NXPH2: variants seen among roughly 807,000 people sequenced by gnomAD.
NXPH2 encodes the protein neurexophilin 2.
A neutral mutation model predicts 19.8 loss-of-function variants in NXPH2; 5 were observed. The ratio of observed to expected loss-of-function variants is 0.25; its 90% confidence interval spans 0.13 to 0.53. The LOEUF (loss-of-function observed/expected upper bound fraction) is 0.53, where lower values mean the gene tolerates loss of function less well. Among genes scored for constraint, NXPH2 ranks in the 20% least tolerant of loss-of-function variants. The pLI, the probability that NXPH2 is intolerant of heterozygous loss-of-function variation, is 0.96. For missense variants in NXPH2, 289 were observed against 322.8 expected, an observed-to-expected ratio of 0.90 and a Z score of 0.80; for synonymous variants, 154 against 127.4, an observed-to-expected ratio of 1.21 and a Z score of -1.41.
At chr2:138,761,179 TATCC>T (rs1226526857) in intron 1 of NXPH2, among the ~76,000 whole-genome samples, 1 of 152,176 alleles carries the variant, frequency 6.6e-6, no homozygotes, top group Non-Finnish European at 1.5e-5. Flanking sequence ...CACTTGAGCA[TATCC>T]AGTCCACCTC....
At chr2:138,771,424 C>T (rs770235689) in intron 1 of NXPH2, among the ~76,000 whole-genome samples, 5 of 150,994 alleles carry the variant, frequency 3.3e-5, no homozygotes, top group Admixed American at 6.6e-5. Flanking sequence ...TATGAGGTGG[C>T]AGAAAGCAGG....
intron 1 of NXPH2, among the ~76,000 whole-genome samples, chr2:138,695,896 T>C (rs183653008): frequency 6.6e-6 from 1 of 152,210 alleles, no homozygotes; most frequent in African/African-American, 2.4e-5. Flanking sequence ...ACACTTATAA[T>C]CCTCCATTGT....
chr2:138,710,969 A>T (rs752324616), intron 1 of NXPH2, among the ~76,000 whole-genome samples: 2 of 152,034 alleles, frequency 1.3e-5, no homozygotes, highest in Admixed American at 6.6e-5. Flanking sequence ...GTTCACAGTC[A>T]TCTTGCTGCC....
chr2:138,780,039 C>A (rs1682326418), intron 1 of NXPH2, among the ~76,000 whole-genome samples, 152 bp downstream of exon 1: 1 of 152,190 alleles, frequency 6.6e-6, no homozygotes, highest in African/African-American at 2.4e-5. Context: ...CCCTTTCGAC[C>A]TCTAAGGCAA....
At chr2:138,720,013 A>C (rs1450127829) in intron 1 of NXPH2, among the ~76,000 whole-genome samples, 2 of 152,088 alleles carry the variant, frequency 1.3e-5, no homozygotes, top group African/African-American at 4.8e-5. Flanking sequence ...TCCCTCATAC[A>C]TTCTTGGGAA....
At chr2:138,678,279 G>T (rs967405315) in intron 1 of NXPH2, among the ~76,000 whole-genome samples, 1 of 152,190 alleles carries the variant, frequency 6.6e-6, no homozygotes, top group Non-Finnish European at 1.5e-5. Context: ...CAGAGGTAAA[G>T]TGCGGCTTTC....
intron 1 of NXPH2, among the ~76,000 whole-genome samples, chr2:138,757,157 T>C (rs1296970967): frequency 6.6e-6 from 1 of 152,234 alleles, no homozygotes; most frequent in Non-Finnish European, 1.5e-5. Flanking sequence ...ATAAAGTTCT[T>C]CAGGGCAAGA....
At position 138,669,460 on chromosome 2, in the gene NXPH2, C is replaced by T. The variant is rs146731206; in HGVS notation, c.*1462G>A. ...AAAAATTGAACACTGCAGATATTAC[C>T]GGTAAAAGGAAAGAAATGAAGATAG... On this transcript the variant is annotated 3_prime_UTR_variant, in exon 2 of 2. Transcript: ENST00000272641. Among the ~76,000 whole-genome samples the T allele has an allele frequency of 1.1e-3, 166 of 152,036 alleles. No individual in the cohort carries two copies. The highest frequency in any genetic ancestry group is 3.7e-3 in the African/African-American group (155 of 41,482).
chr2:138,745,277 CA>C (rs1681707017), intron 1 of NXPH2, among the ~76,000 whole-genome samples: 2 of 152,188 alleles, frequency 1.3e-5, no homozygotes, highest in African/African-American at 4.8e-5. Context: ...CATATATTAA[CA>C]AATTGCTTTC....
intron 1 of NXPH2, among the ~76,000 whole-genome samples, chr2:138,674,571 C>T (rs1680458958): frequency 6.6e-6 from 1 of 152,174 alleles, no homozygotes; most frequent in Admixed American, 6.5e-5. Context: ...AGGAGCGAAC[C>T]ATCATGTCCA....
chr2:138,690,130 C>G (rs921054855), intron 1 of NXPH2, among the ~76,000 whole-genome samples: 5 of 152,216 alleles, frequency 3.3e-5, no homozygotes, highest in African/African-American at 7.2e-5. Flanking sequence ...TTGGCACATG[C>G]CTCATCCTTC....
intron 1 of NXPH2, 119 bp downstream of exon 1, chr2:138,780,072 G>C: frequency 1.0e-6 from 1 of 991,266 alleles, no homozygotes; most frequent in African/African-American, 1.7e-5. Flanking sequence ...TGCCCTCCGC[G>C]CGCCCCCAAC....
chr2:138,713,141 T>C (rs916519733), intron 1 of NXPH2, among the ~76,000 whole-genome samples: 2 of 152,152 alleles, frequency 1.3e-5, no homozygotes, highest in African/African-American at 4.8e-5. Context: ...AAGCCTGAAT[T>C]GAAAGGCCAT....
At chr2:138,747,112 C>T (rs1039419013) in intron 1 of NXPH2, among the ~76,000 whole-genome samples, 10 of 152,234 alleles carry the variant, frequency 6.6e-5, no homozygotes, top group South Asian at 4.2e-4. Context: ...TATTGATGGA[C>T]GTTTAGGTCA....
intron 1 of NXPH2, among the ~76,000 whole-genome samples, chr2:138,735,774 G>A (rs1234133969): frequency 2.0e-5 from 3 of 152,182 alleles, no homozygotes; most frequent in Non-Finnish European, 4.4e-5. Context: ...TTCTGCCTAT[G>A]AACCTGTAAA....
chr2:138,721,320 A>G (rs564985388), intron 1 of NXPH2, among the ~76,000 whole-genome samples: 4 of 151,766 alleles, frequency 2.6e-5, no homozygotes, highest in Non-Finnish European at 5.9e-5. Flanking sequence ...CAAGCTGGAG[A>G]TAGAGCAAGA....
chr2:138,751,925 T>C (rs1681835414), intron 1 of NXPH2, among the ~76,000 whole-genome samples: 1 of 152,180 alleles, frequency 6.6e-6, no homozygotes, highest in Non-Finnish European at 1.5e-5. Flanking sequence ...TAACAGACAT[T>C]GCTGAGACTG....
At chr2:138,701,572 G>T (rs992047653) in intron 1 of NXPH2, among the ~76,000 whole-genome samples, 1 of 152,172 alleles carries the variant, frequency 6.6e-6, no homozygotes, top group South Asian at 2.1e-4. Context: ...GCTTCTTTGG[G>T]TCAGGTGGGT....
chr2:138,763,592 C>G (rs1024998969), intron 1 of NXPH2, among the ~76,000 whole-genome samples: 1 of 152,060 alleles, frequency 6.6e-6, no homozygotes, highest in African/African-American at 2.4e-5. Flanking sequence ...TTTCTTTGTC[C>G]TAGTAGAGAA....
Sources: allele counts gnomAD v4.1 joint callset (sites outside exome capture counted in the v4.1 genomes callset), GRCh38; gene constraint gnomAD v4.1.1; transcripts MANE v1.5; gene names NCBI Gene and HGNC (gene_info 2026-07-23, HGNC 2026-07-21).